DGKB: variants seen among roughly 807,000 people sequenced by gnomAD.
DGKB encodes 90 kDa diacylglycerol kinase.
Under a neutral mutation model 114.3 loss-of-function variants are expected in DGKB, and 67 were observed. The ratio of observed to expected loss-of-function variants is 0.59; its 90% CI spans 0.48 to 0.72. The LOEUF is 0.72. DGKB is among the 30% of genes least tolerant of loss of function. DGKB has a pLI of 0.00. For missense variants in DGKB, 907 were observed against 975.2 expected (o/e 0.93, Z 0.93); for synonymous variants, 398 against 323.1 (o/e 1.23, Z -2.49).
intron 17 of DGKB, among the ~76,000 whole-genome samples, chr7:14,586,771 G>T (rs1186970420): frequency 1.3e-5 from 2 of 151,902 alleles, no homozygotes; most frequent in African/African-American, 4.8e-5. Context: ...CACTATAAAT[G>T]GTGGAACAAA....
chr7:14,705,277 A>C (rs1825991909), intron 6 of DGKB, among the ~76,000 whole-genome samples: 2 of 150,680 alleles, frequency 1.3e-5, no homozygotes, highest in Non-Finnish European at 3.0e-5. Context: ...AAAAAAGAAT[A>C]AAAAGAAATG....
chr7:14,265,082 C>T (rs76546245), intron 23 of DGKB, among the ~76,000 whole-genome samples: 8,270 of 151,784 alleles, frequency 0.054, 356 homozygotes, highest in East Asian at 0.21. Context: ...TTTCTGTCCC[C>T]GCCCCACCCA....
At chr7:14,371,479 G>A (rs1468557813) in intron 21 of DGKB, among the ~76,000 whole-genome samples, 2 of 152,094 alleles carry the variant, frequency 1.3e-5, no homozygotes, top group African/African-American at 4.8e-5. Flanking sequence ...CTTTTGAGAA[G>A]TGTTTGTTCA....
chr7:14,158,869 C>T (rs1783437107), intron 25 of DGKB, among the ~76,000 whole-genome samples: 1 of 152,040 alleles, frequency 6.6e-6, no homozygotes, highest in Admixed American at 6.6e-5. Context: ...TTTTCCTTAC[C>T]TCTTATAACC....
chr7:14,707,322 TCAATAGTTTACCAAC>T (rs1826464171), intron 6 of DGKB, among the ~76,000 whole-genome samples: 1 of 150,052 alleles, frequency 6.7e-6, no homozygotes, highest in South Asian at 2.2e-4. Flanking sequence ...GTGGCAATAA[TCAATAGTTTACCAAC>T]CAAAAAGAGT....
intron 13 of DGKB, among the ~76,000 whole-genome samples, chr7:14,668,424 C>G (rs1818410919): frequency 6.6e-6 from 1 of 152,096 alleles, no homozygotes; most frequent in Non-Finnish European, 1.5e-5. Flanking sequence ...TCTCAGAGCA[C>G]AGCTCTGGAG....
chr7:14,513,494 CA>C (rs1363299549), intron 20 of DGKB, among the ~76,000 whole-genome samples: 1 of 146,322 alleles, frequency 6.8e-6, no homozygotes, highest in Non-Finnish European at 1.5e-5. Flanking sequence ...TTAAGACAGT[CA>C]AACAGTCTCA....
At chr7:14,204,466 T>A (rs749437767) in intron 23 of DGKB, among the ~76,000 whole-genome samples, 4 of 152,180 alleles carry the variant, frequency 2.6e-5, no homozygotes, top group Non-Finnish European at 5.9e-5. Flanking sequence ...AGTCTCTGGC[T>A]AAATCACTAA....
intron 1 of DGKB, among the ~76,000 whole-genome samples, chr7:14,878,758 A>AAAAAAAAAAAC (rs980349767): frequency 6.8e-6 from 1 of 147,686 alleles, no homozygotes; most frequent in Non-Finnish European, 1.5e-5. Context: ...CAAAAAACAA[A>AAAAAAAAAAAC]AAAAAAAAAA....
At chr7:14,387,310 G>A (rs1820538289) in intron 21 of DGKB, among the ~76,000 whole-genome samples, 1 of 151,452 alleles carries the variant, frequency 6.6e-6, no homozygotes, top group African/African-American at 2.4e-5. Context: ...CTACTCAGGA[G>A]GCTGAGGCAG....
intron 21 of DGKB, among the ~76,000 whole-genome samples, chr7:14,428,443 G>A (rs1246959831): frequency 6.6e-6 from 1 of 152,028 alleles, no homozygotes; most frequent in Non-Finnish European, 1.5e-5. Flanking sequence ...AGGTTGTTTG[G>A]GGGTATGAGG....
intron 1 of DGKB, among the ~76,000 whole-genome samples, chr7:14,916,286 C>CTTTT (rs34793701): frequency 0.56 from 85,272 of 151,210 alleles, 26,745 homozygotes; most frequent in East Asian, 0.92. Context: ...GAGGGAACGA[C>CTTTT]TTTAAAAAAA....
chr7:14,210,063 C>A (rs947394674), intron 23 of DGKB, among the ~76,000 whole-genome samples: 1 of 152,016 alleles, frequency 6.6e-6, no homozygotes, highest in Non-Finnish European at 1.5e-5. Flanking sequence ...ACAACAAGAA[C>A]ATCTGTGTTG....
At chr7:14,379,705 A>T (rs2128676597) in intron 21 of DGKB, among the ~76,000 whole-genome samples, 1 of 152,204 alleles carries the variant, frequency 6.6e-6, no homozygotes, top group African/African-American at 2.4e-5. Context: ...GATTACAGGC[A>T]CGTGCCACCA....
chr7:14,215,239 A>G (rs17708126), intron 23 of DGKB, among the ~76,000 whole-genome samples: 15,179 of 152,192 alleles, frequency 0.1, 1,001 homozygotes, highest in Middle Eastern at 0.2. Context: ...AAACAATCCC[A>G]TAAGAAAGGA....
intron 21 of DGKB, among the ~76,000 whole-genome samples, chr7:14,415,474 T>A (rs939018326): frequency 1.4e-5 from 2 of 146,960 alleles, no homozygotes; most frequent in African/African-American, 5.0e-5. Flanking sequence ...CCTGTGTCCA[T>A]GTGTTCTCAT....
At chr7:14,562,704 T>C (rs1221693053) in intron 20 of DGKB, among the ~76,000 whole-genome samples, 2 of 152,182 alleles carry the variant, frequency 1.3e-5, no homozygotes, top group Non-Finnish European at 2.9e-5. Context: ...AATGAGTGTA[T>C]TTACCCAATG....
At chr7:14,410,511 C>T (rs1824688931) in intron 21 of DGKB, among the ~76,000 whole-genome samples, 1 of 152,004 alleles carries the variant, frequency 6.6e-6, no homozygotes, top group South Asian at 2.1e-4. Flanking sequence ...AAGCACATTT[C>T]TTTCAAGAAT....
chr7:14,459,419 G>A (rs1043563016), intron 21 of DGKB, among the ~76,000 whole-genome samples: 1 of 152,080 alleles, frequency 6.6e-6, no homozygotes, highest in Non-Finnish European at 1.5e-5. Flanking sequence ...TGACCTGATG[G>A]AGCTGAAAAA....
Sources: allele counts gnomAD v4.1 joint callset (sites outside exome capture counted in the v4.1 genomes callset), GRCh38; gene constraint gnomAD v4.1.1; transcripts MANE v1.5; gene names NCBI Gene and HGNC (gene_info 2026-07-23, HGNC 2026-07-21).